Variants in N4BP2L2 observed in about 807,000 individuals in gnomAD.
N4BP2L2 encodes NEDD4-binding protein 2-like 2.
N4BP2L2 carries 50 observed loss-of-function variants against 56.2 expected under a neutral mutation model. The observed-to-expected ratio is 0.89, with a 90% confidence interval of 0.71 to 1.13. N4BP2L2 has a LOEUF of 1.13. Among genes scored for constraint, N4BP2L2 ranks in the 50% most tolerant of loss-of-function variants. The pLI is 0.00. For missense variants in N4BP2L2, 689 were observed against 693.8 expected (o/e 0.99, Z 0.08); for synonymous variants, 203 against 223.6 (o/e 0.91, Z 0.82).
intron 4 of N4BP2L2, 151 bp downstream of exon 4, chr13:32,522,031 C>T (rs929000696): frequency 9.6e-5 from 57 of 593,670 alleles, no homozygotes; most frequent in Admixed American, 2.6e-4. Context: ...ACATCATTCA[C>T]AATTTTTTTA....
At chr13:32,435,184 T>C (rs905790490) in intron 9 of N4BP2L2, among the ~76,000 whole-genome samples, 9 of 152,186 alleles carry the variant, frequency 5.9e-5, no homozygotes, top group Non-Finnish European at 1.0e-4. Flanking sequence ...GCAGGGGTGT[T>C]TTTACTGCTA....
At chr13:32,505,445 A>G (rs2090778558), downstream of N4BP2L2, 1 of 152,204 alleles carries the variant, frequency 6.6e-6, no homozygotes, top group Non-Finnish European at 1.5e-5. Context: ...AAATTTTTGC[A>G]ATATGGATAG....
intron 6 of N4BP2L2, chr13:32,478,437 G>T: frequency 5.9e-6 from 1 of 170,896 alleles, no homozygotes; most frequent in Non-Finnish European, 1.3e-5. Context: ...AGCCAAAGCA[G>T]CTTTAGTGAA....
exon 6 of N4BP2L2, chr13:32,515,318 G>C (rs867554246): frequency 6.6e-6 from 1 of 152,060 alleles, no homozygotes; most frequent in African/African-American, 2.4e-5. Context: ...GTGCATGCTT[G>C]AAGTCCCAGC....
intron 6 of N4BP2L2, among the ~76,000 whole-genome samples, chr13:32,502,599 A>C (rs1259098900): frequency 6.6e-6 from 1 of 152,226 alleles, no homozygotes; most frequent in Admixed American, 6.5e-5. Flanking sequence ...ATAATCATTT[A>C]ATTATGAGGA....
intron 6 of N4BP2L2, among the ~76,000 whole-genome samples, chr13:32,494,899 T>C (rs1305754582): frequency 6.6e-6 from 1 of 151,174 alleles, no homozygotes; most frequent in Admixed American, 6.6e-5. Flanking sequence ...ACAAAGTCCC[T>C]TTGCTCCCAC....
chr13:32,480,550 G>T, intron 6 of N4BP2L2: 2 of 1,091,968 alleles, frequency 1.8e-6, no homozygotes, highest in Non-Finnish European at 2.5e-6. Flanking sequence ...AAAATCAGAC[G>T]CTAGATCCAT....
chr13:32,485,240 AAG>A (rs1464750664), intron 6 of N4BP2L2, among the ~76,000 whole-genome samples: 1 of 152,240 alleles, frequency 6.6e-6, no homozygotes, highest in Admixed American at 6.5e-5. Flanking sequence ...AGGAAATCAG[AAG>A]AGTTCCTGAA....
At chr13:32,452,364 A>T (rs560271935) in intron 6 of N4BP2L2, among the ~76,000 whole-genome samples, 1 of 152,144 alleles carries the variant, frequency 6.6e-6, no homozygotes, top group South Asian at 2.1e-4. Context: ...CCCAGCCAGC[A>T]CCTCCAGCTT....
intron 6 of N4BP2L2, among the ~76,000 whole-genome samples, chr13:32,453,080 G>T (rs1178033185): frequency 6.6e-6 from 1 of 152,116 alleles, no homozygotes; most frequent in Non-Finnish European, 1.5e-5. Flanking sequence ...CCAACAAGGA[G>T]AAACCCTGTC....
downstream of N4BP2L2, among the ~76,000 whole-genome samples, chr13:32,510,075 A>C (rs1429306948): frequency 6.6e-6 from 1 of 152,084 alleles, no homozygotes; most frequent in Non-Finnish European, 1.5e-5. Context: ...TTAAAATTCC[A>C]TAAAAGAATA....
intron 6 of N4BP2L2, among the ~76,000 whole-genome samples, chr13:32,474,899 C>G (rs57507723): frequency 6.6e-6 from 1 of 152,098 alleles, no homozygotes; most frequent in East Asian, 1.9e-4. Flanking sequence ...TCCATGCATC[C>G]ATATGTGCAT....
At chr13:32,438,990 A>G (rs2075855522) in intron 7 of N4BP2L2, among the ~76,000 whole-genome samples, 1 of 152,356 alleles carries the variant, frequency 6.6e-6, no homozygotes, top group African/African-American at 2.4e-5. Flanking sequence ...TGGCTCGTCC[A>G]ATCTAGCCAA....
intron 6 of N4BP2L2, among the ~76,000 whole-genome samples, chr13:32,501,563 C>T (rs2090007278): frequency 6.6e-6 from 1 of 151,958 alleles, no homozygotes; most frequent in Non-Finnish European, 1.5e-5. Context: ...GCCTGTAATC[C>T]CAGCACTTTG....
At chr13:32,511,270 G>T (rs974653743) in exon 6 of N4BP2L2, 1 of 152,106 alleles carries the variant, frequency 6.6e-6, no homozygotes, top group Non-Finnish European at 1.5e-5. Flanking sequence ...ACTGTTTGTT[G>T]CAGCGGCATT....
At chr13:32,450,894 CTCTCTT>C (rs2077896186) in intron 6 of N4BP2L2, among the ~76,000 whole-genome samples, 1 of 126,998 alleles carries the variant, frequency 7.9e-6, no homozygotes, top group Non-Finnish European at 1.6e-5. Flanking sequence ...CTCTCTCTCT[CTCTCTT>C]TCTGACGTGT....
chr13:32,437,786 A>C (rs1248103881), intron 8 of N4BP2L2, among the ~76,000 whole-genome samples: 1 of 152,220 alleles, frequency 6.6e-6, no homozygotes, highest in Non-Finnish European at 1.5e-5. Context: ...TACAGTGGGC[A>C]CCTTAGTCAT....
chr13:32,465,560 A>C (rs1296111417), intron 6 of N4BP2L2, among the ~76,000 whole-genome samples: 1 of 152,262 alleles, frequency 6.6e-6, no homozygotes, highest in Non-Finnish European at 1.5e-5. Context: ...TCACAAAACA[A>C]TATTTTCCCA....
intron 6 of N4BP2L2, among the ~76,000 whole-genome samples, chr13:32,462,361 T>TTC (rs2080275148): frequency 6.6e-6 from 1 of 152,150 alleles, no homozygotes; most frequent in African/African-American, 2.4e-5. Context: ...GTATCACATG[T>TTC]TCTCATTCAT....
Sources: allele counts gnomAD v4.1 joint callset (sites outside exome capture counted in the v4.1 genomes callset), GRCh38; gene constraint gnomAD v4.1.1; transcripts MANE v1.5; gene names NCBI Gene and HGNC (gene_info 2026-07-23, HGNC 2026-07-21).